TASP1: variants seen among roughly 807,000 people sequenced by gnomAD.
TASP1 encodes threonine aspartase 1.
A neutral mutation model predicts 56.6 loss-of-function variants in TASP1; 16 were observed. The ratio of observed to expected loss-of-function variants is 0.28; its 90% CI spans 0.19 to 0.43. TASP1 has a LOEUF of 0.43. TASP1 is among the 20% of genes least tolerant of loss of function. The pLI, the probability that TASP1 is intolerant of heterozygous loss-of-function variation, is 1.00. For missense variants in TASP1, 393 were observed against 511.6 expected, an observed-to-expected ratio of 0.77 and a Z score of 2.24; for synonymous variants, 179 against 184.2, an observed-to-expected ratio of 0.97 and a Z score of 0.23.
At chr20:13,531,138 T>A (rs2045202001) in intron 9 of TASP1, among the ~76,000 whole-genome samples, 1 of 152,218 alleles carries the variant, frequency 6.6e-6, no homozygotes. Context: ...CTAGGGGCTA[T>A]AATATGTAAT....
the TASP1 span, among the ~76,000 whole-genome samples, chr20:13,220,418 A>C: frequency 6.6e-6 from 1 of 152,234 alleles, no homozygotes; most frequent in Non-Finnish European, 1.5e-5. Context: ...CCGAGGCTGC[A>C]GCGCGGTCAT....
chr20:13,534,108 C>T lies in TASP1; in HGVS notation c.709G>A (p.Ala237Thr), dbSNP rs781681067. The stretch of plus-strand genomic sequence containing the variant: ...TTCCCTTCGTGGTCCACAACCACAG[C>T]GCCTACCGTGTCCAAAGTGCCTGAG... ...NDSGTLDTVG[A>T]VVVDHEGNVA... is the part of the protein sequence containing the mutation. Residue 237 changes from alanine (A) to threonine (T), a missense_variant, in exon 9 of 14, where the codon GCT becomes ACT. Physicochemically the swap from Ala to Thr is moderately conservative, Grantham distance 58 (BLOSUM62 0). Around this residue, in one of 3 missense-constraint regions of TASP1, gnomAD observed 293 missense variants for 354.2 expected, o/e 0.83. Coordinates refer to ENST00000337743, the MANE Select transcript of TASP1 (RefSeq NM_017714.3). 8 of 1,613,494 alleles carry T rather than the reference C, an allele frequency of 5.0e-6. No individual in the cohort carries two copies. Among genetic ancestry groups the T allele is most frequent in the East Asian group, 2.2e-5 (1 of 44,846 alleles).
intron 8 of TASP1, among the ~76,000 whole-genome samples, chr20:13,538,146 C>T (rs888449660): frequency 3.3e-5 from 5 of 151,954 alleles, no homozygotes; most frequent in African/African-American, 1.2e-4. Context: ...GGATTAAAGG[C>T]ACCCACCACC....
the TASP1 span, among the ~76,000 whole-genome samples, chr20:13,105,736 A>T: frequency 6.6e-6 from 1 of 152,238 alleles, no homozygotes; most frequent in South Asian, 2.1e-4. Flanking sequence ...ATTTCTGCAC[A>T]AAAACTTATA....
chr20:13,270,939 T>A, the TASP1 span, among the ~76,000 whole-genome samples: 1 of 152,212 alleles, frequency 6.6e-6, no homozygotes, highest in Non-Finnish European at 1.5e-5. Flanking sequence ...GATGCACAAT[T>A]ATTTTGTGAA....
the TASP1 span, among the ~76,000 whole-genome samples, chr20:13,319,914 T>G: frequency 2.0e-5 from 3 of 152,140 alleles, no homozygotes; most frequent in Non-Finnish European, 2.9e-5. Flanking sequence ...AGGGCTCTTC[T>G]GGGAAACAGG....
At chr20:13,138,475 C>T in the TASP1 span, among the ~76,000 whole-genome samples, 1 of 152,128 alleles carries the variant, frequency 6.6e-6, no homozygotes, top group Non-Finnish European at 1.5e-5. Flanking sequence ...TTATGTTAGT[C>T]ACACACACCC....
the TASP1 span, among the ~76,000 whole-genome samples, chr20:13,371,500 G>A: frequency 3.4e-4 from 51 of 152,080 alleles, no homozygotes; most frequent in Non-Finnish European, 7.4e-5. Flanking sequence ...TTATTCTCTT[G>A]TGATCAGAGG....
the TASP1 span, among the ~76,000 whole-genome samples, chr20:13,344,479 C>T: frequency 6.6e-6 from 1 of 152,090 alleles, no homozygotes; most frequent in African/African-American, 2.4e-5. Context: ...GAGAGAGACT[C>T]TTCATGGGAA....
chr20:13,311,283 A>AG, the TASP1 span, among the ~76,000 whole-genome samples: 1 of 151,330 alleles, frequency 6.6e-6, no homozygotes, highest in African/African-American at 2.4e-5. Flanking sequence ...ATAGATAGAT[A>AG]ATAAAATATT....
chr20:13,531,089 T>C (rs888019756), intron 9 of TASP1, among the ~76,000 whole-genome samples: 5 of 152,212 alleles, frequency 3.3e-5, no homozygotes, highest in African/African-American at 9.6e-5. Flanking sequence ...TTGCTGAACA[T>C]AGCAAGTGCT....
intron 11 of TASP1, among the ~76,000 whole-genome samples, chr20:13,453,521 A>C (rs2043708860): frequency 6.6e-6 from 1 of 152,126 alleles, no homozygotes; most frequent in South Asian, 2.1e-4. Flanking sequence ...CATTGTAAAC[A>C]TTCTCTTCCC....
At chr20:13,387,243 G>C (rs762334959), downstream of TASP1, among the ~76,000 whole-genome samples, 8 of 139,472 alleles carry the variant, frequency 5.7e-5, no homozygotes, top group Non-Finnish European at 1.5e-5. Context: ...ACCTAGGCTG[G>C]AGTGCAATGG....
chr20:13,315,218 A>G, the TASP1 span, among the ~76,000 whole-genome samples: 1 of 152,070 alleles, frequency 6.6e-6, no homozygotes, highest in Non-Finnish European at 1.5e-5. Context: ...TTTGAACATC[A>G]ATGACCTAAA....
chr20:13,551,221 T>C (rs1220386707), intron 8 of TASP1, among the ~76,000 whole-genome samples: 2 of 152,160 alleles, frequency 1.3e-5, no homozygotes, highest in Admixed American at 6.5e-5. Context: ...TTTTAACTTG[T>C]TTATTAAAAA....
chr20:13,567,072 T>C (rs2046555843), intron 7 of TASP1, among the ~76,000 whole-genome samples: 1 of 152,076 alleles, frequency 6.6e-6, no homozygotes, highest in African/African-American at 2.4e-5. Flanking sequence ...ATGGTACATA[T>C]ACACCATGGA....
chr20:13,528,179 C>T (rs2045060904), intron 10 of TASP1, among the ~76,000 whole-genome samples: 2 of 134,242 alleles, frequency 1.5e-5, no homozygotes, highest in South Asian at 4.7e-4. Context: ...GCCAAGATCG[C>T]ACCACTGCTC....
the TASP1 span, among the ~76,000 whole-genome samples, chr20:13,220,031 T>A: frequency 6.6e-6 from 1 of 152,140 alleles, no homozygotes; most frequent in East Asian, 1.9e-4. Context: ...ATTCGGAGGC[T>A]CCATCCCGGA....
At chr20:13,118,022 A>G in the TASP1 span, among the ~76,000 whole-genome samples, 27 of 152,336 alleles carry the variant, frequency 1.8e-4, no homozygotes, top group Non-Finnish European at 3.2e-4. Flanking sequence ...GTTAAGTAGT[A>G]TCTAGGACAT....
Sources: gnomAD v4.1 joint callset for allele counts (sites outside exome capture counted in the v4.1 genomes callset) on GRCh38, gnomAD v4.1.1 for gene constraint, gnomAD v4.1.1 regional missense constraint, MANE v1.5 for transcripts, NCBI Gene and HGNC (gene_info 2026-07-23, HGNC 2026-07-21) for gene names.